Variants in VPS45 observed in about 807,000 individuals in gnomAD.
VPS45 encodes the protein vacuolar protein sorting 45 homolog.
In VPS45, 35 loss-of-function variants were observed where a neutral mutation model predicts 75.9. The ratio of observed to expected loss-of-function variants is 0.46; its 90% CI spans 0.35 to 0.61. The LOEUF is 0.61. Among genes scored for constraint, VPS45 ranks in the 20% least tolerant of loss-of-function variants. The pLI, the probability that VPS45 is intolerant of heterozygous loss-of-function variation, is 0.00. For missense variants in VPS45, 559 were observed against 685.9 expected, an observed-to-expected ratio of 0.81 and a Z score of 2.07; for synonymous variants, 220 against 238.2, an observed-to-expected ratio of 0.92 and a Z score of 0.70.
At chr1:150,134,584 T>C (rs1474566459) in intron 14 of VPS45, among the ~76,000 whole-genome samples, 1 of 152,214 alleles carries the variant, frequency 6.6e-6, no homozygotes, top group Non-Finnish European at 1.5e-5. Flanking sequence ...TGGAAGAAGA[T>C]TGTGTTTTTA....
chr1:150,071,323 T>C (rs1016017663), intron 2 of VPS45, among the ~76,000 whole-genome samples: 3 of 152,228 alleles, frequency 2.0e-5, no homozygotes, highest in Admixed American at 1.3e-4. Context: ...TTTAAAACAA[T>C]GTAATTGTAG....
intron 13 of VPS45, among the ~76,000 whole-genome samples, chr1:150,094,821 T>C (rs1276251977): frequency 6.6e-6 from 1 of 152,218 alleles, no homozygotes; most frequent in African/African-American, 2.4e-5. Flanking sequence ...CAAGGAATTA[T>C]TTATTACCAA....
At chr1:150,068,792 C>T (rs1553796410) in intron 2 of VPS45, 28 bp downstream of exon 2, 3 of 1,560,402 alleles carry the variant, frequency 1.9e-6, no homozygotes, top group Non-Finnish European at 2.6e-6. Flanking sequence ...CTTCCATCTG[C>T]CCAGGCAGAT....
chr1:150,082,527 A>AAG (rs1441554406), intron 9 of VPS45, among the ~76,000 whole-genome samples, 189 bp from the exon 10 acceptor site: 1 of 151,422 alleles, frequency 6.6e-6, no homozygotes, highest in East Asian at 1.9e-4. Context: ...AAAAAAAAAA[A>AAG]AACTCAGTCT....
At chr1:150,078,789 T>A (rs1655534795) in intron 7 of VPS45, among the ~76,000 whole-genome samples, 1 of 148,600 alleles carries the variant, frequency 6.7e-6, no homozygotes, top group African/African-American at 2.5e-5. Context: ...ATAAATAAAA[T>A]GATTTATATG....
At chr1:150,094,287 C>T (rs12058524) in intron 13 of VPS45, among the ~76,000 whole-genome samples, 7,071 of 151,798 alleles carry the variant, frequency 0.047, 560 homozygotes, top group African/African-American at 0.16. Flanking sequence ...TGTTGGAACA[C>T]ATGTTATCTA....
In VPS45 at chr1:150,088,434, A is replaced by AATATATATATATATATATATAT. The variant is rs200780573; in HGVS notation, c.1105-3502_1105-3481dup. Among the ~76,000 whole-genome samples, 168 of 125,440 alleles carry AATATATATATATATATATATAT rather than the reference A, an allele frequency of 1.3e-3. 1 individual carries two copies. Among genetic ancestry groups the AATATATATATATATATATATAT allele is most frequent in the African/African-American group, 5.0e-3 (153 of 30,726 alleles). 82.3% of individuals were successfully genotyped at this position (125,440 alleles called of 152,430 possible). ...TGTTCTATTTCATGGCTGAATAATA[A>AATATATATATATATATATATAT]ATATATATATATATATATATATGCT... On this transcript the variant is annotated intron_variant, in intron 10 of 14. Transcript: ENST00000644510.
rs189297214 is a variant in VPS45 at position 150,106,217 on chromosome 1, A to G, written c.1494-4279A>G. ...CCTAGGCAAAGAATTTATGACAAAG[A>G]TCCCAAAAGCAAATGCAACAAAAAC... On this transcript the variant is annotated intron_variant, in intron 13 of 14. Transcript: ENST00000644510. 2.4e-3 allele frequency among the ~76,000 whole-genome samples: 366 copies of G among 152,320 alleles called. 3 individuals carry two copies. The highest frequency in any genetic ancestry group is 8.5e-3 in the African/African-American group (355 of 41,572).
chr1:150,076,146 T>C (rs1655368447), intron 3 of VPS45, 87 bp from the exon 4 acceptor site: 2 of 849,100 alleles, frequency 2.4e-6, no homozygotes, highest in Non-Finnish European at 1.7e-6. Context: ...AGGTCACTTA[T>C]TCATTAGGCT....
intron 1 of VPS45, chr1:150,068,404 A>G: frequency 2.4e-6 from 1 of 419,856 alleles, no homozygotes; most frequent in Non-Finnish European, 4.1e-6. Flanking sequence ...TTCCTGTTCA[A>G]AGAGACCATG....
At chr1:150,093,787 A>G in intron 13 of VPS45, 139 bp downstream of exon 13, 1 of 1,075,184 alleles carries the variant, frequency 9.3e-7, no homozygotes, top group Non-Finnish European at 1.3e-6. Context: ...GGTTTTACAT[A>G]TGTCAGCATT....
At chr1:150,138,857 G>T (rs56003355) in intron 14 of VPS45, among the ~76,000 whole-genome samples, 2 of 151,828 alleles carry the variant, frequency 1.3e-5, no homozygotes, top group Non-Finnish European at 2.9e-5. Flanking sequence ...TCCTCCCTCC[G>T]ACTTCCCACC....
At chr1:150,102,235 CAAAAAAAAAA>C (rs1208831311) in intron 13 of VPS45, among the ~76,000 whole-genome samples, 6 of 94,706 alleles carry the variant, frequency 6.3e-5, no homozygotes, top group Non-Finnish European at 9.5e-5. Flanking sequence ...GAGACTCCGT[CAAAAAAAAAA>C]AAAAAAAAAC....
chr1:150,092,115 G>T lies in VPS45; in HGVS notation c.1263+20G>T, dbSNP rs1367719650. On this transcript the variant is annotated intron_variant, in intron 11 of 14. Coordinates refer to ENST00000644510, the MANE Select transcript of VPS45 (RefSeq NM_007259.5). ...CGAAAGGTAACCAGTTTCCATATTAGCCCACCAAACAGGAACCAACTCTGT... is the reference window on the plus strand; with the variant it reads ...CGAAAGGTAACCAGTTTCCATATTATCCCACCAAACAGGAACCAACTCTGT... 1 of 1,605,400 alleles carries T rather than the reference G, an allele frequency of 6.2e-7. No individual in the cohort carries two copies. Among genetic ancestry groups the T allele is most frequent in the African/African-American group, 1.3e-5 (1 of 74,556 alleles).
At chr1:150,091,387 C>T (rs1042986111) in intron 10 of VPS45, among the ~76,000 whole-genome samples, 1 of 152,190 alleles carries the variant, frequency 6.6e-6, no homozygotes. Context: ...GCCCCCTTTC[C>T]TATCGGTACC....
chr1:150,134,342 T>C (rs1486798123), intron 14 of VPS45, among the ~76,000 whole-genome samples: 1 of 152,224 alleles, frequency 6.6e-6, no homozygotes, highest in Non-Finnish European at 1.5e-5. Flanking sequence ...GAAACCCACT[T>C]CACTTTTGTG....
intron 13 of VPS45, among the ~76,000 whole-genome samples, chr1:150,101,268 C>A (rs78215975): frequency 2.9e-3 from 398 of 137,000 alleles, no homozygotes; most frequent in Non-Finnish European, 3.0e-3. Flanking sequence ...AACCCTGTCG[C>A]AAAAAAAAAA....
intron 14 of VPS45, among the ~76,000 whole-genome samples, chr1:150,116,123 G>T (rs1011427039): frequency 1.3e-5 from 2 of 152,314 alleles, no homozygotes; most frequent in East Asian, 3.9e-4. Context: ...GGAAGTGTCA[G>T]TGTGGTTATG....
chr1:150,092,576 G>T, intron 12 of VPS45, 167 bp downstream of exon 12: 1 of 500,848 alleles, frequency 2.0e-6, no homozygotes, highest in South Asian at 4.1e-5. Context: ...TTTTCTTTTA[G>T]TGCTTTCTGT....
Sources: gnomAD v4.1 joint callset for allele counts (sites outside exome capture counted in the v4.1 genomes callset) on GRCh38, gnomAD v4.1.1 for gene constraint, MANE v1.5 for transcripts, NCBI Gene and HGNC (gene_info 2026-07-23, HGNC 2026-07-21) for gene names.